Variants in ACSM6 observed in about 807,000 individuals in gnomAD.
The protein encoded by ACSM6 is acyl-CoA synthetase medium chain family member 6.
A neutral mutation model predicts 51.1 loss-of-function variants in ACSM6; 35 were observed. The ratio of observed to expected loss-of-function variants is 0.69; its 90% CI spans 0.52 to 0.91. The LOEUF (loss-of-function observed/expected upper bound fraction) is 0.91. Among genes scored for constraint, ACSM6 ranks in the 40% least tolerant of loss-of-function variants. ACSM6 has a pLI of 0.00. For synonymous variants in ACSM6, 172 were observed against 207.3 expected (o/e 0.83, Z 1.46); for missense variants, 509 against 584.1 (o/e 0.87, Z 1.32).
chr10:95,209,425 T>G (rs1445160588), intron 4 of ACSM6, among the ~76,000 whole-genome samples: 1 of 152,072 alleles, frequency 6.6e-6, no homozygotes, highest in African/African-American at 2.4e-5. Context: ...AGGGAAGGAC[T>G]TGATCTCAGC....
chr10:95,212,826 C>A (rs768297971), intron 6 of ACSM6, 32 bp from the exon 7 acceptor site: 2 of 1,528,910 alleles, frequency 1.3e-6, no homozygotes. Context: ...ACCTCACATG[C>A]AGATTTTGTT....
chr10:95,197,525 C>A, intron 2 of ACSM6, among the ~76,000 whole-genome samples: 1 of 152,064 alleles, frequency 6.6e-6, no homozygotes, highest in Non-Finnish European at 1.5e-5. Flanking sequence ...GCACATAAGC[C>A]AGATTTATGT....
intron 8 of ACSM6, 113 bp downstream of exon 8, chr10:95,215,088 C>A: frequency 7.8e-7 from 1 of 1,282,574 alleles, no homozygotes; most frequent in Non-Finnish European, 1.1e-6. Context: ...GGATCTTAAG[C>A]ACAGGAAGAG....
At chr10:95,203,758 G>T (rs1240852694) in intron 3 of ACSM6, among the ~76,000 whole-genome samples, 1 of 151,462 alleles carries the variant, frequency 6.6e-6, no homozygotes, top group Non-Finnish European at 1.5e-5. Flanking sequence ...TAGTTGGAAG[G>T]TGCGTATGAA....
intron 5 of ACSM6, among the ~76,000 whole-genome samples, 167 bp from the exon 6 acceptor site, chr10:95,211,711 A>C (rs1184259797): frequency 6.6e-6 from 1 of 152,202 alleles, no homozygotes; most frequent in African/African-American, 2.4e-5. Flanking sequence ...ATACTGAAAA[A>C]ATTTAAGGAG....
intron 9 of ACSM6, among the ~76,000 whole-genome samples, chr10:95,224,008 TAAAC>T (rs1423493828): frequency 6.6e-6 from 1 of 152,164 alleles, no homozygotes; most frequent in Non-Finnish European, 1.5e-5. Flanking sequence ...ATAGTATCAA[TAAAC>T]AATCAAAAAA....
At chr10:95,195,455 T>G (rs900070499) in intron 2 of ACSM6, among the ~76,000 whole-genome samples, 2 of 152,156 alleles carry the variant, frequency 1.3e-5, no homozygotes, top group Non-Finnish European at 2.9e-5. Flanking sequence ...TATTGAGTTA[T>G]GAGGAGAAAA....
At chr10:95,227,350 C>T (rs1364079240) in intron 10 of ACSM6, among the ~76,000 whole-genome samples, 1 of 152,082 alleles carries the variant, frequency 6.6e-6, no homozygotes, top group Non-Finnish European at 1.5e-5. Context: ...AACATACCTG[C>T]TATTGTTGAA....
chr10:95,228,520 A>C, intron 10 of ACSM6, 124 bp from the exon 11 acceptor site: 1 of 915,242 alleles, frequency 1.1e-6, no homozygotes. Flanking sequence ...GATCCCCTGG[A>C]GAGTGGGGAT....
intron 10 of ACSM6, chr10:95,225,872 C>G (rs569938077): frequency 6.6e-6 from 1 of 152,408 alleles, no homozygotes; most frequent in South Asian, 2.1e-4. Flanking sequence ...TTGTTTTTAT[C>G]TATAACTGTT....
At chr10:95,214,433 C>T (rs1004038435) in intron 7 of ACSM6, among the ~76,000 whole-genome samples, 1 of 152,172 alleles carries the variant, frequency 6.6e-6, no homozygotes, top group African/African-American at 2.4e-5. Flanking sequence ...GATTTTGAGC[C>T]TAGTTTATAA....
chr10:95,204,690 C>A (rs1355966525), intron 3 of ACSM6, among the ~76,000 whole-genome samples: 2 of 151,608 alleles, frequency 1.3e-5, no homozygotes, highest in Admixed American at 1.3e-4. Flanking sequence ...AATAATGTAC[C>A]AAAATAAATT....
At chr10:95,226,980 T>C (rs1589499838) in intron 10 of ACSM6, among the ~76,000 whole-genome samples, 2 of 144,040 alleles carry the variant, frequency 1.4e-5, no homozygotes, top group Non-Finnish European at 3.0e-5. Flanking sequence ...GTAAATCTTA[T>C]ATGACAACTT....
At chr10:95,207,717 G>A (rs2034854840) in intron 4 of ACSM6, among the ~76,000 whole-genome samples, 1 of 151,636 alleles carries the variant, frequency 6.6e-6, no homozygotes, top group Non-Finnish European at 1.5e-5. Context: ...GTTCTGAAAG[G>A]ATAAAAAATT....
chr10:95,207,316 T>G (rs750231601), exon 4 of ACSM6: 4 of 1,614,020 alleles, frequency 2.5e-6, no homozygotes, highest in Non-Finnish European at 3.4e-6. Flanking sequence ...ATGGCCCCAG[T>G]TGTAAACTCT....
At chr10:95,201,011 C>A (rs1262585885) in intron 2 of ACSM6, among the ~76,000 whole-genome samples, 3 of 152,100 alleles carry the variant, frequency 2.0e-5, no homozygotes, top group Non-Finnish European at 4.4e-5. Context: ...CATGCATTCA[C>A]TAAGAGGTAT....
intron 10 of ACSM6, chr10:95,226,165 A>G (rs2035035566): frequency 6.6e-6 from 1 of 152,192 alleles, no homozygotes; most frequent in African/African-American, 2.4e-5. Flanking sequence ...ATTAGTAATA[A>G]TCTGCCGTGT....
chr10:95,205,295 T>C (rs1432916713), intron 3 of ACSM6, among the ~76,000 whole-genome samples: 2 of 152,044 alleles, frequency 1.3e-5, no homozygotes, highest in Non-Finnish European at 2.9e-5. Context: ...CAAAATGCTA[T>C]CAACTGAGTA....
At chr10:95,206,085 GGC>G (rs2034836588) in intron 3 of ACSM6, among the ~76,000 whole-genome samples, 1 of 152,000 alleles carries the variant, frequency 6.6e-6, no homozygotes, top group Admixed American at 6.6e-5. Flanking sequence ...CACAAAGCTG[GGC>G]AACCATCACC....
Sources: allele counts gnomAD v4.1 joint callset (sites outside exome capture counted in the v4.1 genomes callset), GRCh38; gene constraint gnomAD v4.1.1; transcripts MANE v1.5; gene names NCBI Gene and HGNC (gene_info 2026-07-23, HGNC 2026-07-21).